Variants in IGF1R observed in about 807,000 individuals in gnomAD.
IGF1R encodes insulin like growth factor 1 receptor.
In IGF1R, 44 loss-of-function variants were observed where a neutral mutation model predicts 144.6. That is an observed-to-expected ratio of 0.30 (90% CI 0.24 to 0.39). The LOEUF (loss-of-function observed/expected upper bound fraction) is 0.39, where lower values mean the gene tolerates loss of function less well. Among genes scored for constraint, IGF1R ranks in the 10% least tolerant of loss-of-function variants. The pLI is 1.00. For missense variants in IGF1R, 1,355 were observed against 1,833.7 expected (o/e 0.74, Z 4.77); for synonymous variants, 795 against 722.8 (o/e 1.10, Z -1.60).
At chr15:98,943,638 C>T (rs986092392) in intron 19 of IGF1R, among the ~76,000 whole-genome samples, 1 of 152,252 alleles carries the variant, frequency 6.6e-6, no homozygotes, top group Non-Finnish European at 1.5e-5. Flanking sequence ...GATCAGAGGC[C>T]TCTCAGTAGT....
intron 2 of IGF1R, among the ~76,000 whole-genome samples, chr15:98,881,381 C>T (rs754320699): frequency 1.3e-5 from 2 of 152,228 alleles, no homozygotes; most frequent in African/African-American, 2.4e-5. Flanking sequence ...AGCGCAGTGG[C>T]GCGATCTCAG....
At chr15:98,699,796 T>C (rs1347324665) in intron 1 of IGF1R, among the ~76,000 whole-genome samples, 3 of 152,218 alleles carry the variant, frequency 2.0e-5, no homozygotes, top group Admixed American at 6.5e-5. Flanking sequence ...TTTGTTGATA[T>C]GCATGATGTG....
chr15:98,716,320 G>GTCTC (rs1022621741), intron 2 of IGF1R, among the ~76,000 whole-genome samples: 1 of 151,600 alleles, frequency 6.6e-6, no homozygotes, highest in Non-Finnish European at 1.5e-5. Flanking sequence ...CTCTCTCTCT[G>GTCTC]TCTCTCTCTC....
chr15:98,812,413 A>G (rs185639465), intron 2 of IGF1R, among the ~76,000 whole-genome samples: 28 of 151,876 alleles, frequency 1.8e-4, no homozygotes, highest in African/African-American at 6.5e-4. Context: ...CTAGAGTACA[A>G]TGGTGCGATC....
chr15:98,657,741 T>G (rs1182329012), intron 1 of IGF1R, among the ~76,000 whole-genome samples: 1 of 152,230 alleles, frequency 6.6e-6, no homozygotes, highest in Non-Finnish European at 1.5e-5. Context: ...GGGATTTTCT[T>G]TCTCACATGC....
chr15:98,913,524 C>T (rs1345025043), intron 8 of IGF1R, among the ~76,000 whole-genome samples: 2 of 152,224 alleles, frequency 1.3e-5, no homozygotes, highest in African/African-American at 2.4e-5. Flanking sequence ...CCAGGTCCTC[C>T]AGGGTGCTGG....
intron 2 of IGF1R, among the ~76,000 whole-genome samples, chr15:98,821,922 G>A (rs1834409056): frequency 6.6e-6 from 1 of 152,102 alleles, no homozygotes; most frequent in African/African-American, 2.4e-5. Context: ...CCCACTCCAG[G>A]CCAACTCATT....
chr15:98,736,747 G>A (rs2054619914), intron 2 of IGF1R, among the ~76,000 whole-genome samples: 1 of 151,818 alleles, frequency 6.6e-6, no homozygotes, highest in Non-Finnish European at 1.5e-5. Context: ...GATTAGCTGG[G>A]ATTACAGGCA....
rs146809678 is a variant in IGF1R at position 98,681,020 on chromosome 15, T to C, written c.95-26542T>C. ...GGTTTGCAGGTTGGTAGCCTAGGAG[T>C]AATAGGCTATACTGTATAGCCTAGG... On this transcript the variant is annotated intron_variant, in intron 1 of 20. Coordinates refer to ENST00000650285, the MANE Select transcript of IGF1R (RefSeq NM_000875.5). 1.2e-4 allele frequency among the ~76,000 whole-genome samples: 18 copies of C among 152,220 alleles called. No individual in the cohort carries two copies. The East Asian group carries it at 2.5e-3, about 21-fold the overall frequency.
At chr15:98,729,586 C>T (rs1194321603) in intron 2 of IGF1R, among the ~76,000 whole-genome samples, 7 of 148,702 alleles carry the variant, frequency 4.7e-5, no homozygotes, top group African/African-American at 1.5e-4. Flanking sequence ...TTAAGTGAAC[C>T]TTTCCACATC....
In IGF1R at chr15:98,963,804, T is replaced by C. The variant is rs2017321008; in HGVS notation, c.*6362T>C. The C allele has an allele frequency of 4.3e-6, 1 of 232,916 alleles. No homozygotes were observed. The highest frequency in any genetic ancestry group is 5.6e-5 in the Admixed American group (1 of 17,766). The allele number at this position is 232,916 out of a possible 1,614,324, so 14.4% of individuals were successfully genotyped here. On this transcript the variant is annotated 3_prime_UTR_variant, in exon 21 of 21. Coordinates refer to ENST00000650285, the MANE Select transcript of IGF1R (RefSeq NM_000875.5). ...GTATTTCCAATACAGAAAAGAATTT[T>C]TAATAAAAACTATAACATACACAAA...
intron 2 of IGF1R, chr15:98,734,675 T>G (rs1279298065): frequency 6.6e-6 from 1 of 152,232 alleles, no homozygotes; most frequent in Non-Finnish European, 1.5e-5. Context: ...TTAACTGCCC[T>G]TTGTGTTTTA....
chr15:98,811,889 G>C lies in IGF1R; in HGVS notation c.641-79436G>C, dbSNP rs186806877. 5.8e-3 allele frequency among the ~76,000 whole-genome samples: 879 copies of C among 151,932 alleles called. 36 individuals are homozygous for C. The highest frequency in any genetic ancestry group is 0.05 in the Admixed American group (761 of 15,276). On this transcript the variant is annotated intron_variant, in intron 2 of 20. Coordinates refer to ENST00000650285, the MANE Select transcript of IGF1R (RefSeq NM_000875.5). ...TGCAGTGAGAGATCGCGCCACTGCAGTCCAGCCTGGGTGACAGAGCCAGAC... is the reference window on the plus strand; with the variant it reads ...TGCAGTGAGAGATCGCGCCACTGCACTCCAGCCTGGGTGACAGAGCCAGAC...
chr15:98,892,233 C>CT (rs1173645147), intron 3 of IGF1R, among the ~76,000 whole-genome samples: 15 of 152,096 alleles, frequency 9.9e-5, no homozygotes, highest in African/African-American at 3.4e-4. Context: ...CCTTCCTGAA[C>CT]TTTGAGACTT....
intron 2 of IGF1R, among the ~76,000 whole-genome samples, chr15:98,889,829 CCACT>C (rs973762738): frequency 6.6e-6 from 1 of 152,074 alleles, no homozygotes; most frequent in Admixed American, 6.6e-5. Flanking sequence ...TCTAGAATCT[CCACT>C]CAATATTGCA....
At position 98,780,577 on chromosome 15, in the gene IGF1R, AGAG is replaced by A. The variant is rs2055838866; in HGVS notation, c.640+72471_640+72473del. 3.4e-3 allele frequency among the ~76,000 whole-genome samples: 31 copies of A among 9,244 alleles called. 8 individuals are homozygous for A. In the South Asian group the frequency reaches 0.058, roughly 17 times the overall value. The allele number at this position is 9,244 out of a possible 152,430, so 6.1% of individuals were successfully genotyped here. A position where few individuals can be genotyped will look rare whatever the true frequency, so the allele number is the denominator to read the frequency against. ...AAAAAAAAAAAAAAAAAAAAAAAAG[AGAG>A]AGAGAGTAAATAAAATTGTAAGGTG... On this transcript the variant is annotated intron_variant, in intron 2 of 20. Coordinates refer to ENST00000650285, the MANE Select transcript of IGF1R (RefSeq NM_000875.5).
intron 1 of IGF1R, among the ~76,000 whole-genome samples, chr15:98,668,831 C>G (rs1046108044): frequency 6.6e-6 from 1 of 152,028 alleles, no homozygotes; most frequent in Non-Finnish European, 1.5e-5. Flanking sequence ...AAGCTGACAC[C>G]AGCATCAGTG....
At chr15:98,798,410 G>C (rs897470577) in intron 2 of IGF1R, among the ~76,000 whole-genome samples, 2 of 152,136 alleles carry the variant, frequency 1.3e-5, no homozygotes, top group East Asian at 3.9e-4. Context: ...TGAGGACTTC[G>C]GCTTTGACTC....
At chr15:98,696,821 G>A (rs969601740) in intron 1 of IGF1R, among the ~76,000 whole-genome samples, 7 of 152,154 alleles carry the variant, frequency 4.6e-5, no homozygotes, top group Admixed American at 1.3e-4. Flanking sequence ...CTGATGATGG[G>A]ATTGGCCTTC....
Sources: gnomAD v4.1 joint callset for allele counts (sites outside exome capture counted in the v4.1 genomes callset) on GRCh38, gnomAD v4.1.1 for gene constraint, MANE v1.5 for transcripts, NCBI Gene and HGNC (gene_info 2026-07-23, HGNC 2026-07-21) for gene names.